CUL7: variants seen among roughly 807,000 people sequenced by gnomAD.
CUL7 encodes cullin 7.
In CUL7, 96 loss-of-function variants were observed where a neutral mutation model predicts 177.7. That is an observed-to-expected ratio of 0.54 (90% confidence interval 0.46 to 0.64). The LOEUF (loss-of-function observed/expected upper bound fraction) is 0.64. Ranked by LOEUF, CUL7 falls within the 30% of genes least tolerant of loss-of-function variation. The pLI is 0.00. For synonymous variants in CUL7, 824 were observed against 890.2 expected, an observed-to-expected ratio of 0.93 and a Z score of 1.32; for missense variants, 1,893 against 2,187.9, an observed-to-expected ratio of 0.87 and a Z score of 2.69.
intron 7 of CUL7, 149 bp downstream of exon 7, chr6:43,049,258 C>A (rs879760666): frequency 7.9e-6 from 8 of 1,014,602 alleles, no homozygotes; most frequent in Non-Finnish European, 1.2e-5. Flanking sequence ...GAACACAATG[C>A]CTGCTTCTCC....
chr6:43,042,065 G>GA (rs1763478101), intron 19 of CUL7, among the ~76,000 whole-genome samples: 1 of 137,772 alleles, frequency 7.3e-6, no homozygotes, highest in South Asian at 2.5e-4. Context: ...GAGAAAGAGA[G>GA]AAAGAGAAGG....
Position 43,040,730 on chromosome 6 carries a change from G to A in CUL7, c.3823C>T (p.Arg1275Cys), listed in dbSNP as rs776824739. The stretch of plus-strand genomic sequence containing the variant: ...CAGCTCGAGACCACGCCCAGGAGAC[G>A]GTCCGCCATGTAGTGCCTGCAGTGC... ...EHYYQHYMAD[R>C]LLGVVSSWLE... The change falls in exon 21 of 26, where the codon CGT (arginine) becomes TGT (cysteine). Residue 1275 changes from arginine (R) to cysteine (C), a missense_variant. Arg to Cys is a radical substitution (Grantham distance 180). This residue lies in a region of CUL7 where 973 missense variants were observed against 1,140.9 expected (regional missense o/e 0.85). Transcript: ENST00000265348. This position sits in a 1 kb window ranked among gnomAD's most constrained non-coding sequence, Gnocchi z 4.2. 5.6e-6 allele frequency: 9 copies of A among 1,613,992 alleles called. No individual in the cohort carries two copies. The highest frequency in any genetic ancestry group is 1.3e-5 in the African/African-American group (1 of 74,920).
At position 43,043,190 on chromosome 6, in the gene CUL7, C is replaced by A. The variant is rs754820755; in HGVS notation, c.3356-10G>T. 1.2e-6 allele frequency: 2 copies of A among 1,609,914 alleles called. No homozygotes were observed. Among genetic ancestry groups the A allele is most frequent in the Non-Finnish European group, 1.7e-6 (2 of 1,176,592 alleles). On this transcript the variant is annotated splice_polypyrimidine_tract_variant and intron_variant, in intron 17 of 25. Transcript: ENST00000265348. This position sits in a 1 kb window ranked among gnomAD's most constrained non-coding sequence, Gnocchi z 4.2. ...CTTCTGTTTCTGCCTTCTGTAGAGACCAAGAAAGTGGCAGAGGCAAGGAGG... is the reference window on the plus strand; with the variant it reads ...CTTCTGTTTCTGCCTTCTGTAGAGAACAAGAAAGTGGCAGAGGCAAGGAGG...
At chr6:43,042,741 A>G (rs1232877438) in intron 19 of CUL7, 61 bp downstream of exon 19, 3 of 1,045,848 alleles carry the variant, frequency 2.9e-6, no homozygotes, top group Non-Finnish European at 3.0e-6. Context: ...CATTTGGAGG[A>G]GGTGAGGAAG....
Position 43,053,798 on chromosome 6 carries a change from C to G in CUL7, c.-185G>C, listed in dbSNP as rs1420794633. On this transcript the variant is annotated 5_prime_UTR_variant, in exon 1 of 26. Transcript: ENST00000265348. The surrounding 1 kb of genome is among the most constrained non-coding windows in gnomAD (Gnocchi z 4.1). ...CTGCACCCGCGTGAGTCGGCAGCCA[C>G]TGGGGCAGGGTGGGGCCCGGTCCCT... 1 of 1,532,398 alleles carries G rather than the reference C, an allele frequency of 6.5e-7. No homozygotes were observed. Among genetic ancestry groups the G allele is most frequent in the Non-Finnish European group, 8.7e-7 (1 of 1,145,894 alleles). 94.9% of individuals were successfully genotyped at this position (1,532,398 alleles called of 1,614,324 possible). A position where few individuals can be genotyped will look rare whatever the true frequency, so the allele number is the denominator to read the frequency against.
At position 43,051,082 on chromosome 6, in the gene CUL7, C is replaced by T. The variant is rs772424104; in HGVS notation, c.1119G>A (p.Val373=). The change falls in exon 4 of 26, where the codon GTG becomes GTA. Residue 373 remains valine, a synonymous_variant. Coordinates refer to ENST00000265348, the MANE Select transcript of CUL7 (RefSeq NM_014780.5). This position sits in a 1 kb window ranked among gnomAD's most constrained non-coding sequence, Gnocchi z 5.0. ...FASGNTYALY[V]RDTLQPGMRV... is the part of the protein sequence containing the mutation. ...GCATCCCCGGCTGCAGTGTGTCCCG[C>T]ACATACAAAGCATAGGTATTGCCAC... 16 of 1,614,078 alleles carry T rather than the reference C, an allele frequency of 9.9e-6. No individual in the cohort carries two copies. Among genetic ancestry groups the T allele is most frequent in the Non-Finnish European group, 1.4e-5 (16 of 1,180,052 alleles).
Position 43,039,003 on chromosome 6 carries a change from G to T in CUL7, c.4295-16C>A. ...TGGCTCTGACCTGGACCAGGAAGGG[G>T]GAGGGAGACAAAGAGCAGGTGAAAG... On this transcript the variant is annotated splice_polypyrimidine_tract_variant and intron_variant, in intron 22 of 25. Transcript: ENST00000265348. 1.3e-6 allele frequency: 2 copies of T among 1,582,290 alleles called. No individual in the cohort carries two copies. Among genetic ancestry groups the T allele is most frequent in the Non-Finnish European group, 1.7e-6 (2 of 1,151,054 alleles).
chr6:43,040,410 C>G lies in CUL7; in HGVS notation c.4040G>C (p.Ser1347Thr). 1 of 1,612,800 alleles carries G rather than the reference C, an allele frequency of 6.2e-7. No individual in the cohort carries two copies. Among genetic ancestry groups the G allele is most frequent in the Non-Finnish European group, 8.5e-7 (1 of 1,180,044 alleles). Residue 1347 changes from serine (S) to threonine (T), a missense_variant, in exon 22 of 26, where the codon AGT becomes ACT. By Grantham distance (58) the Ser-to-Thr change is moderately conservative. Transcript: ENST00000265348. This position sits in a 1 kb window ranked among gnomAD's most constrained non-coding sequence, Gnocchi z 4.2. ...CTTCTCGCTCTTGTGCTCCTTGCCA[C>G]TGGCCCCAAGGCCCACCTGAAGGAG... ...EKKIQVGLGA[S>T]GKEHKSEKEE...
At position 43,043,234 on chromosome 6, in the gene CUL7, C is replaced by T. The variant is rs1763604188; in HGVS notation, c.3356-54G>A. On this transcript the variant is annotated intron_variant, in intron 17 of 25. Transcript: ENST00000265348. This position sits in a 1 kb window ranked among gnomAD's most constrained non-coding sequence, Gnocchi z 4.2. ...AAGGAGGGTGCAGCCCCTCCACTCC[C>T]AAGTCCCCATCCAAGGGGGTTCCCT... The T allele has an allele frequency of 1.4e-6, 2 of 1,462,596 alleles. No individual in the cohort carries two copies. Among genetic ancestry groups the T allele is most frequent in the Non-Finnish European group, 1.9e-6 (2 of 1,048,832 alleles). The allele number at this position is 1,462,596 out of a possible 1,614,324, so 90.6% of individuals were successfully genotyped here. A position where few individuals can be genotyped will look rare whatever the true frequency, so the allele number is the denominator to read the frequency against.
chr6:43,052,716 G>C lies in CUL7; in HGVS notation c.73C>G (p.Leu25Val). ...TCATGGCCCACGCGCTGGCGGATCA[G>C]CTCATCAGGATAGGCATGTAAGCCG... is the stretch of plus-strand genomic sequence containing the variant. ...GPGLHAYPDE[L>V]IRQRVGHDGH... is the part of the protein sequence containing the mutation. Residue 25 changes from leucine (L) to valine (V), a missense_variant, in exon 2 of 26, where the codon CTG (leucine) becomes GTG (valine). Physicochemically the swap from Leu to Val is conservative, Grantham distance 32. This residue lies in a region of CUL7 where 653 missense variants were observed against 725.2 expected (regional missense o/e 0.90). Coordinates refer to ENST00000265348, the MANE Select transcript of CUL7 (RefSeq NM_014780.5). The surrounding 1 kb of genome is among the most constrained non-coding windows in gnomAD (Gnocchi z 4.5). The C allele has an allele frequency of 1.2e-6, 2 of 1,613,052 alleles. No individual in the cohort carries two copies. Among genetic ancestry groups the C allele is most frequent in the Non-Finnish European group, 1.7e-6 (2 of 1,180,036 alleles).
chr6:43,051,185 C>T lies in CUL7; in HGVS notation c.1016G>A (p.Ser339Asn). ...AGCCTGGGCAGCGGGGAGCCCTGGGCTCACATCTGCCAGCTGAGGCTGGAA... is the reference window on the plus strand; with the variant it reads ...AGCCTGGGCAGCGGGGAGCCCTGGGTTCACATCTGCCAGCTGAGGCTGGAA... ...SIFQPQLADVSPGLPAAQAQP... is the reference protein window; with the variant it reads ...SIFQPQLADVNPGLPAAQAQP... Residue 339 changes from serine (S) to asparagine (N), a missense_variant, in exon 4 of 26, where the codon AGC becomes AAC. Around this residue, in one of 5 missense-constraint regions of CUL7, gnomAD observed 653 missense variants for 725.2 expected, o/e 0.90. Transcript: ENST00000265348. The surrounding 1 kb of genome is among the most constrained non-coding windows in gnomAD (Gnocchi z 5.0). 1 of 1,614,240 alleles carries T rather than the reference C, an allele frequency of 6.2e-7. No individual in the cohort carries two copies. Among genetic ancestry groups the T allele is most frequent in the Middle Eastern group, 1.6e-4 (1 of 6,062 alleles).
At position 43,053,673 on chromosome 6, in the gene CUL7, G is replaced by A; in HGVS notation, c.-60C>T. The A allele has an allele frequency of 6.4e-6, 9 of 1,409,140 alleles. No homozygotes were observed. The highest frequency in any genetic ancestry group is 1.5e-5 in the African/African-American group (1 of 66,426). 87.3% of individuals were successfully genotyped at this position (1,409,140 alleles called of 1,614,324 possible). ...CGAGGCCTGTCCTTCACAGAGCAAG[G>A]GACGCGGCACAGACGCTGGCGGCGA... On this transcript the variant is annotated 5_prime_UTR_variant, in exon 1 of 26. Transcript: ENST00000265348. This position sits in a 1 kb window ranked among gnomAD's most constrained non-coding sequence, Gnocchi z 4.1.
At chr6:43,049,734 G>C (rs1764245412) in intron 6 of CUL7, 72 bp from the exon 7 acceptor site, 13 of 1,585,944 alleles carry the variant, frequency 8.2e-6, no homozygotes, top group Non-Finnish European at 1.1e-5. Flanking sequence ...ACTTGGTAGG[G>C]GTGGGGGTCT....
rs761715387 is a variant in CUL7, at chr6:43,044,757, G to C, written c.3167C>G (p.Ser1056Cys). ...LVSPVVQNIT[S>C]PDEDGISPLG... ...CCAGATGTCAGGATGGTTACCAGGG[G>C]AGGTGATGTTCTGCACCACGGGGCT... Residue 1056 changes from serine (S) to cysteine (C), a missense_variant, in exon 16 of 26, where the codon TCC becomes TGC. Coordinates refer to ENST00000265348, the MANE Select transcript of CUL7 (RefSeq NM_014780.5). 9 of 1,609,118 alleles carry C rather than the reference G, an allele frequency of 5.6e-6. No individual in the cohort carries two copies. The highest frequency in any genetic ancestry group is 6.8e-6 in the Non-Finnish European group (8 of 1,175,996).
chr6:43,038,421 A>C lies in CUL7; in HGVS notation c.4619T>G (p.Ile1540Ser). The C allele has an allele frequency of 5.6e-6, 9 of 1,614,144 alleles. No individual in the cohort carries two copies. Among genetic ancestry groups the C allele is most frequent in the Non-Finnish European group, 7.6e-6 (9 of 1,180,030 alleles). Residue 1540 changes from isoleucine to serine, a missense_variant, in exon 25 of 26, where the codon ATT (isoleucine) becomes AGT (serine). This residue lies in a region of CUL7 where 248 missense variants were observed against 262.5 expected (regional missense o/e 0.94). Transcript: ENST00000265348. Reference protein sequence around the residue: ...GSKEPRSRWDIVRLIPPQTYL... With the variant: ...GSKEPRSRWDSVRLIPPQTYL... ...CGTCTGAGGTGGGATGAGCCGCACA[A>C]TGTCCCATCTCGACCTGGGTTCCTT...
intron 19 of CUL7, among the ~76,000 whole-genome samples, 191 bp downstream of exon 19, chr6:43,042,611 G>A (rs918134106): frequency 1.3e-5 from 2 of 152,326 alleles, no homozygotes. Context: ...AAAGTGCTGG[G>A]ATTACAGGCA....
In CUL7 at chr6:43,048,249, G is replaced by A. The variant is rs755092921; in HGVS notation, c.2068C>T (p.Leu690=). Residue 690 remains leucine, a synonymous_variant, in exon 9 of 26, where the codon CTG becomes TTG. Coordinates refer to ENST00000265348, the MANE Select transcript of CUL7 (RefSeq NM_014780.5). The part of the protein sequence containing the change: ...RTLHLTVLRI[L]KQLVDFPEAL... ...TCGGGGAAGTCCACCAGCTGCTTCA[G>A]GATTCTGGGGGCAGAGAAATGTGTA... 1 of 1,612,962 alleles carries A rather than the reference G, an allele frequency of 6.2e-7. No homozygotes were observed. The highest frequency in any genetic ancestry group is 8.5e-7 in the Non-Finnish European group (1 of 1,178,908).
chr6:43,042,843 C>A lies in CUL7; in HGVS notation c.3604G>T (p.Ala1202Ser). 1.9e-6 allele frequency: 3 copies of A among 1,613,866 alleles called. No individual in the cohort carries two copies. The highest frequency in any genetic ancestry group is 2.5e-6 in the Non-Finnish European group (3 of 1,179,884). ...AAAGGGAGCTTCAGCAAGGCTCCCG[C>A]ACAGCCATTTTGCAGCGCCAGCAAG... The part of the protein sequence containing the change: ...AFLLALQNGC[A>S]GALLKLPFLK... Residue 1202 changes from alanine (A) to serine (S), a missense_variant, in exon 19 of 26, where the codon GCG (alanine) becomes TCG (serine). Coordinates refer to ENST00000265348, the MANE Select transcript of CUL7 (RefSeq NM_014780.5).
At chr6:43,044,947 C>T in intron 15 of CUL7, 62 bp from the exon 16 acceptor site, 2 of 1,593,862 alleles carry the variant, frequency 1.3e-6, no homozygotes, top group Non-Finnish European at 1.7e-6. Context: ...TCTCAGTGTC[C>T]ACCCTTCCTA....
Sources: gnomAD v4.1 joint callset for allele counts (sites outside exome capture counted in the v4.1 genomes callset) on GRCh38, gnomAD v4.1.1 for gene constraint, gnomAD v4.1.1 regional missense constraint, Gnocchi (gnomAD v3.1) non-coding constraint, MANE v1.5 for transcripts, NCBI Gene and HGNC (gene_info 2026-07-23, HGNC 2026-07-21) for gene names.